Variants in CFAP299 observed in about 807,000 individuals in gnomAD.
CFAP299 encodes cilia and flagella associated protein 299, also known as cilia- and flagella-associated protein 299.
CFAP299 carries 21 observed loss-of-function variants against 27.0 expected under a neutral mutation model. The ratio of observed to expected loss-of-function variants is 0.78; its 90% CI spans 0.55 to 1.12. CFAP299 has a LOEUF of 1.12. CFAP299 is among the 50% of genes most tolerant of loss of function. The pLI, the probability that CFAP299 is intolerant of heterozygous loss-of-function variation, is 0.00. For missense variants in CFAP299, 310 were observed against 276.6 expected (o/e 1.12, Z -0.86); for synonymous variants, 104 against 98.1 (o/e 1.06, Z -0.36).
chr4:80,585,540 A>G (rs1736390993), intron 3 of CFAP299, among the ~76,000 whole-genome samples: 1 of 152,182 alleles, frequency 6.6e-6, no homozygotes. Flanking sequence ...TAAATGTGGG[A>G]GAGGAGGCAA....
chr4:80,806,052 A>G (rs1728851231), intron 3 of CFAP299, among the ~76,000 whole-genome samples: 1 of 152,188 alleles, frequency 6.6e-6, no homozygotes, highest in South Asian at 2.1e-4. Context: ...TGACAGAACA[A>G]TAATGTACTC....
chr4:80,798,224 G>A (rs1727983145), intron 3 of CFAP299, among the ~76,000 whole-genome samples: 1 of 152,046 alleles, frequency 6.6e-6, no homozygotes, highest in African/African-American at 2.4e-5. Flanking sequence ...GTGGCTCCTG[G>A]TGAGAATCAA....
At chr4:80,430,086 A>G (rs950027252) in intron 2 of CFAP299, among the ~76,000 whole-genome samples, 9 of 152,042 alleles carry the variant, frequency 5.9e-5, no homozygotes, top group Non-Finnish European at 8.8e-5. Context: ...AGTATTTTCC[A>G]TTATATTTTA....
In CFAP299 at chr4:80,477,446, T is replaced by C. The variant is rs554323410; in HGVS notation, c.243-105647T>C. Among the ~76,000 whole-genome samples the C allele has an allele frequency of 5.0e-4, 76 of 152,268 alleles. 1 individual carries two copies. Among genetic ancestry groups the C allele is most frequent in the African/African-American group, 1.8e-3 (73 of 41,564 alleles). ...CTATGCCTGTCGCAACTCTTGGTCA[T>C]TCAGTATTCATGGAGATAAGCTTTC... On this transcript the variant is annotated intron_variant, in intron 2 of 5. Coordinates refer to ENST00000358105, the MANE Select transcript of CFAP299 (RefSeq NM_152770.3).
chr4:80,936,154 C>T (rs372681149), intron 4 of CFAP299, among the ~76,000 whole-genome samples: 1 of 151,900 alleles, frequency 6.6e-6, no homozygotes, highest in African/African-American at 2.4e-5. Context: ...TGATGATGAG[C>T]TTGTGGAGAA....
chr4:80,577,088 A>T (rs568330017), intron 2 of CFAP299, among the ~76,000 whole-genome samples: 1 of 152,268 alleles, frequency 6.6e-6, no homozygotes, highest in African/African-American at 2.4e-5. Context: ...CATTGTTTTC[A>T]CAATGTAAAA....
intron 2 of CFAP299, among the ~76,000 whole-genome samples, chr4:80,530,889 T>C (rs1733429712): frequency 6.6e-6 from 1 of 152,174 alleles, no homozygotes; most frequent in Non-Finnish European, 1.5e-5. Context: ...GCAAGAGAGC[T>C]GGTAGGAAAT....
At chr4:80,695,574 A>G (rs11731974) in intron 3 of CFAP299, among the ~76,000 whole-genome samples, 10,509 of 152,106 alleles carry the variant, frequency 0.069, 809 homozygotes, top group African/African-American at 0.18. Context: ...CTCCTTTTGT[A>G]TAGCTATAAT....
intron 3 of CFAP299, among the ~76,000 whole-genome samples, chr4:80,798,792 C>A (rs1033940017): frequency 6.6e-6 from 1 of 151,922 alleles, no homozygotes; most frequent in African/African-American, 2.4e-5. Context: ...CATAATCAAA[C>A]GTTTTATGTA....
At chr4:80,584,912 A>G (rs1225849666) in intron 3 of CFAP299, among the ~76,000 whole-genome samples, 2 of 152,098 alleles carry the variant, frequency 1.3e-5, no homozygotes, top group Non-Finnish European at 2.9e-5. Flanking sequence ...GAATAATCAA[A>G]TAATCATTAT....
At chr4:80,667,380 A>C (rs1741194347) in intron 3 of CFAP299, among the ~76,000 whole-genome samples, 1 of 152,160 alleles carries the variant, frequency 6.6e-6, no homozygotes, top group South Asian at 2.1e-4. Context: ...TGAAATATAC[A>C]ACAGATTATT....
chr4:80,565,422 G>A (rs1391626907), intron 2 of CFAP299, among the ~76,000 whole-genome samples: 1 of 151,954 alleles, frequency 6.6e-6, no homozygotes, highest in East Asian at 1.9e-4. Context: ...AATATGAACA[G>A]TTGAAAAGCA....
At chr4:80,430,709 C>T (rs1227029103) in intron 2 of CFAP299, among the ~76,000 whole-genome samples, 4 of 152,208 alleles carry the variant, frequency 2.6e-5, no homozygotes, top group Non-Finnish European at 5.9e-5. Flanking sequence ...AGCATCCCTT[C>T]TAAACCTGCT....
Position 80,385,818 on chromosome 4 carries a change from G to T in CFAP299, c.242+22934G>T, listed in dbSNP as rs80143577. Among the ~76,000 whole-genome samples the T allele has an allele frequency of 7.7e-4, 118 of 152,372 alleles. 2 individuals carry two copies. The East Asian group carries it at 0.02, about 25-fold the overall frequency. On this transcript the variant is annotated intron_variant, in intron 2 of 5. Coordinates refer to ENST00000358105, the MANE Select transcript of CFAP299 (RefSeq NM_152770.3). Reference sequence around the variant, plus strand: ...GCAACGGACTAGAGCCCACCTGGAGGCAGCCTGGAGGCAGAGTGGGCGGAA... The same window carrying T: ...GCAACGGACTAGAGCCCACCTGGAGTCAGCCTGGAGGCAGAGTGGGCGGAA...
chr4:80,424,252 G>T (rs1727432315), intron 2 of CFAP299, among the ~76,000 whole-genome samples: 1 of 152,210 alleles, frequency 6.6e-6, no homozygotes, highest in Non-Finnish European at 1.5e-5. Context: ...GTGGTGGTAT[G>T]TGGAAGGCAA....
intron 2 of CFAP299, among the ~76,000 whole-genome samples, chr4:80,462,115 A>G (rs1191741279): frequency 6.6e-6 from 1 of 152,218 alleles, no homozygotes. Flanking sequence ...CACTTAGTGC[A>G]GTACAAGACA....
chr4:80,736,735 C>G (rs1723906720), intron 3 of CFAP299, among the ~76,000 whole-genome samples: 1 of 152,160 alleles, frequency 6.6e-6, no homozygotes, highest in African/African-American at 2.4e-5. Flanking sequence ...CTAGTTCAAC[C>G]ACTGTGGAAG....
At chr4:80,691,309 A>C (rs1720668812) in intron 3 of CFAP299, among the ~76,000 whole-genome samples, 2 of 132,608 alleles carry the variant, frequency 1.5e-5, no homozygotes, top group African/African-American at 2.9e-5. Context: ...ATACTGGCAA[A>C]CCGAATCCAG....
At chr4:80,941,392 A>T (rs1737187419) in intron 4 of CFAP299, among the ~76,000 whole-genome samples, 1 of 152,202 alleles carries the variant, frequency 6.6e-6, no homozygotes, top group Non-Finnish European at 1.5e-5. Context: ...TTTCCCAAGA[A>T]CATGTTTGAT....
Sources: gnomAD v4.1 joint callset for allele counts (sites outside exome capture counted in the v4.1 genomes callset) on GRCh38, gnomAD v4.1.1 for gene constraint, MANE v1.5 for transcripts, NCBI Gene and HGNC (gene_info 2026-07-23, HGNC 2026-07-21) for gene names.